The following ZFYVE21 variants were observed in gnomAD, a reference collection of about 807,000 sequenced individuals.
ZFYVE21 encodes zinc finger FYVE domain-containing protein 21.
In ZFYVE21, 21 loss-of-function variants were observed where a neutral mutation model predicts 29.5. That is an observed-to-expected ratio of 0.71 (90% CI 0.50 to 1.02). ZFYVE21 has a LOEUF of 1.02. Ranked by LOEUF, ZFYVE21 falls within the 50% of genes least tolerant of loss-of-function variation. The probability of loss-of-function intolerance (pLI) is 0.00; values close to 1 mark genes in which losing one functional copy is unlikely to be tolerated. For synonymous variants in ZFYVE21, 151 were observed against 133.8 expected (o/e 1.13, Z -0.89); for missense variants, 326 against 335.4 (o/e 0.97, Z 0.22).
rs140603075 is a variant in ZFYVE21, at chr14:103,718,749, G to A, written c.138+2770G>A. Among the ~76,000 whole-genome samples, 19 of 152,294 alleles carry A rather than the reference G, an allele frequency of 1.2e-4. No homozygotes were observed. The East Asian group carries it at 2.3e-3, about 19-fold the overall frequency. On this transcript the variant is annotated intron_variant, in intron 1 of 6. Coordinates refer to ENST00000311141, the MANE Select transcript of ZFYVE21 (RefSeq NM_024071.4). ...GAGTTTTATCCTTAAAATCCTTGCC[G>A]CTGTGCACCCCTCCCACCTCCCATC... is the stretch of plus-strand genomic sequence containing the variant.
chr14:103,732,957 C>T, intron 6 of ZFYVE21, 26 bp from the exon 7 acceptor site: 1 of 1,614,138 alleles, frequency 6.2e-7, no homozygotes, highest in Non-Finnish European at 8.5e-7. Context: ...GCAGGCCTCA[C>T]TGTGTTGATC....
At chr14:103,724,189 C>T (rs575187266) in intron 1 of ZFYVE21, among the ~76,000 whole-genome samples, 2 of 152,350 alleles carry the variant, frequency 1.3e-5, no homozygotes, top group Admixed American at 6.5e-5. Flanking sequence ...GTCCCCACCC[C>T]AGCTCAGACC....
chr14:103,727,660 C>T (rs757243506), intron 2 of ZFYVE21, 86 bp from the exon 3 acceptor site: 15 of 1,553,840 alleles, frequency 9.7e-6, no homozygotes, highest in Admixed American at 1.7e-5. Context: ...AGGCGTGGCC[C>T]GGGGAGTGCC....
At chr14:103,719,379 C>T (rs188527715) in intron 1 of ZFYVE21, among the ~76,000 whole-genome samples, 5 of 150,278 alleles carry the variant, frequency 3.3e-5, no homozygotes, top group Admixed American at 6.7e-5. Flanking sequence ...TCACTTGAAC[C>T]GGGAAGAGGA....
intron 1 of ZFYVE21, among the ~76,000 whole-genome samples, chr14:103,720,902 A>G (rs974894656): frequency 6.6e-6 from 1 of 152,136 alleles, no homozygotes; most frequent in Non-Finnish European, 1.5e-5. Context: ...GGCTCACTTC[A>G]GCCTTCACCT....
intron 1 of ZFYVE21, chr14:103,725,174 G>C (rs1392856616): frequency 6.6e-6 from 1 of 152,294 alleles, no homozygotes; most frequent in South Asian, 2.1e-4. Context: ...TGCTGCGCTC[G>C]TGCCGGCGTC....
chr14:103,725,831 T>A (rs2083918414), intron 1 of ZFYVE21: 1 of 152,290 alleles, frequency 6.6e-6, no homozygotes, highest in Admixed American at 6.5e-5. Context: ...CGACCAAGCA[T>A]CTGAGGTGCC....
At chr14:103,731,107 C>G (rs1448587407) in intron 5 of ZFYVE21, 1 of 152,260 alleles carries the variant, frequency 6.6e-6, no homozygotes, top group South Asian at 2.1e-4. Context: ...GTCAGGAGTT[C>G]GAGACCAGCC....
Position 103,732,977 on chromosome 14 carries a change from C to CT in ZFYVE21, c.670-5dup. The CT allele has an allele frequency of 1.9e-6, 3 of 1,614,154 alleles. No homozygotes were observed. Among genetic ancestry groups the CT allele is most frequent in the Non-Finnish European group, 2.5e-6 (3 of 1,180,038 alleles). ...CCTCACTGTGTTGATCTTGTCTGAT[C>CT]TGCAGGCTGCCAAGCTCCTCTATGA... On this transcript the variant is annotated splice_polypyrimidine_tract_variant and splice_region_variant and intron_variant, in intron 6 of 6. Transcript: ENST00000311141.
At chr14:103,722,466 C>G (rs1423836577) in intron 1 of ZFYVE21, among the ~76,000 whole-genome samples, 1 of 151,536 alleles carries the variant, frequency 6.6e-6, no homozygotes. Flanking sequence ...GCTGTCCTCC[C>G]AGCTCTGCCT....
chr14:103,732,565 C>A (rs912948151), intron 5 of ZFYVE21, 55 bp from the exon 6 acceptor site: 2 of 1,507,898 alleles, frequency 1.3e-6, no homozygotes, highest in African/African-American at 2.8e-5. Context: ...GGCTGGTGGC[C>A]GCCTGGGCAC....
intron 1 of ZFYVE21, among the ~76,000 whole-genome samples, chr14:103,723,529 C>T (rs1230329232): frequency 1.3e-5 from 2 of 152,228 alleles, no homozygotes; most frequent in African/African-American, 2.4e-5. Context: ...CGTGGGATCT[C>T]ACAAAGCTCA....
At chr14:103,723,581 C>T (rs940528208) in intron 1 of ZFYVE21, among the ~76,000 whole-genome samples, 6 of 152,254 alleles carry the variant, frequency 3.9e-5, no homozygotes, top group Admixed American at 2.6e-4. Flanking sequence ...ACATGGAACT[C>T]GGCAGGGATG....
At position 103,716,849 on chromosome 14, in the gene ZFYVE21, G is replaced by T. The variant is rs1316092135; in HGVS notation, c.138+870G>T. Among the ~76,000 whole-genome samples, 1 of 152,162 alleles carries T rather than the reference G, an allele frequency of 6.6e-6. No homozygotes were observed. The highest frequency in any genetic ancestry group is 1.5e-5 in the Non-Finnish European group (1 of 68,046). On this transcript the variant is annotated intron_variant, in intron 1 of 6. Coordinates refer to ENST00000311141, the MANE Select transcript of ZFYVE21 (RefSeq NM_024071.4). The surrounding 1 kb of genome is among the most constrained non-coding windows in gnomAD (Gnocchi z 4.8). The stretch of plus-strand genomic sequence containing the variant: ...GGCCCCGAGTGCATTTAATCCCACT[G>T]GCTGTGCGCTAACAGGTGTGTCCAG...
chr14:103,729,853 C>G (rs1329277473), intron 5 of ZFYVE21: 1 of 1,536,036 alleles, frequency 6.5e-7, no homozygotes, highest in Non-Finnish European at 8.7e-7. Flanking sequence ...GAAGGTCAGC[C>G]TCTTCCTCCT....
At chr14:103,722,574 C>A (rs1189000378) in intron 1 of ZFYVE21, among the ~76,000 whole-genome samples, 2 of 152,072 alleles carry the variant, frequency 1.3e-5, no homozygotes, top group Admixed American at 1.3e-4. Context: ...AATCCCAGCA[C>A]TTTGGGAGGC....
rs772063182 is a variant in ZFYVE21, at chr14:103,732,769, G to A, written c.669+7G>A. 8 of 1,611,412 alleles carry A rather than the reference G, an allele frequency of 5.0e-6. No homozygotes were observed. The highest frequency in any genetic ancestry group is 1.7e-5 in the Admixed American group (1 of 59,126). On this transcript the variant is annotated splice_region_variant and intron_variant, in intron 6 of 6. Transcript: ENST00000311141. ...GCTAGTGGCCATGCACAAGGTACCT[G>A]AGCCCAGGCCAGGGAGGCTGGGCCC...
At position 103,733,131 on chromosome 14, in the gene ZFYVE21, T is replaced by C; in HGVS notation, c.*113T>C. ...GATTAATCCTGCTTGTGCTGGGAAA[T>C]GCAACTCACTCATGTATTTGGAGAA... is the stretch of plus-strand genomic sequence containing the variant. On this transcript the variant is annotated 3_prime_UTR_variant, in exon 7 of 7. Transcript: ENST00000311141. The C allele has an allele frequency of 7.2e-7, 1 of 1,386,992 alleles. No homozygotes were observed. The highest frequency in any genetic ancestry group is 1.2e-5 in the South Asian group (1 of 82,126). The allele number at this position is 1,386,992 out of a possible 1,614,324, so 85.9% of individuals were successfully genotyped here.
rs561456138 is a variant in ZFYVE21 at position 103,721,167 on chromosome 14, C to T, written c.138+5188C>T. Among the ~76,000 whole-genome samples the T allele has an allele frequency of 6.6e-5, 10 of 152,272 alleles. No homozygotes were observed. In the East Asian group the frequency reaches 9.7e-4, roughly 15 times the overall value. On this transcript the variant is annotated intron_variant, in intron 1 of 6. Coordinates refer to ENST00000311141, the MANE Select transcript of ZFYVE21 (RefSeq NM_024071.4). Reference sequence around the variant, plus strand: ...GCTCGCGGCCATCTTGCTTACCCACCGGGAAGCCTAGTTTATGGCATCTGC... The same window carrying T: ...GCTCGCGGCCATCTTGCTTACCCACTGGGAAGCCTAGTTTATGGCATCTGC...
Sources: allele counts gnomAD v4.1 joint callset (sites outside exome capture counted in the v4.1 genomes callset), GRCh38; gene constraint gnomAD v4.1.1; non-coding constraint Gnocchi (gnomAD v3.1); transcripts MANE v1.5; gene names NCBI Gene and HGNC (gene_info 2026-07-23, HGNC 2026-07-21).